The following NRTN variants were observed in gnomAD, a reference collection of about 807,000 sequenced individuals.
NRTN encodes prepro-neurturin.
NRTN carries 3 observed loss-of-function variants against 7.5 expected under a neutral mutation model. The ratio of observed to expected loss-of-function variants is 0.40; its 90% CI spans 0.18 to 1.03. The LOEUF (loss-of-function observed/expected upper bound fraction) is 1.03, where lower values mean the gene tolerates loss of function less well. Among genes scored for constraint, NRTN ranks in the 50% least tolerant of loss-of-function variants. The pLI is 0.34. For missense variants in NRTN, 310 were observed against 307.0 expected (o/e 1.01, Z -0.07); for synonymous variants, 157 against 146.6 (o/e 1.07, Z -0.51).
At chr19:5,810,209 G>T (rs983278587) in intron 1 of NRTN, among the ~76,000 whole-genome samples, 1 of 150,266 alleles carries the variant, frequency 6.7e-6, no homozygotes, top group Non-Finnish European at 1.5e-5. Context: ...AGAGCTTGTA[G>T]TGAGCCGAGA....
At position 5,828,217 on chromosome 19, in the gene NRTN, G is replaced by C. The variant is rs1461070885; in HGVS notation, c.*44G>C. The C allele has an allele frequency of 6.6e-7, 1 of 1,525,058 alleles. No homozygotes were observed. Among genetic ancestry groups the C allele is most frequent in the Admixed American group, 2.0e-5 (1 of 50,212 alleles). 94.5% of individuals were successfully genotyped at this position (1,525,058 alleles called of 1,614,324 possible). ...GCGCGGCGGCCACTCCCCCCGCCTC[G>C]ACGGCACCACTGGCCGGCCCCGCGA... On this transcript the variant is annotated 3_prime_UTR_variant, in exon 3 of 3. Transcript: ENST00000303212.
rs1029199398 is a variant in NRTN at position 5,824,105 on chromosome 19, G to C, written c.-61G>C. On this transcript the variant is annotated 5_prime_UTR_variant, in exon 2 of 3. Transcript: ENST00000303212. ...AGTCCTGGCCCAGCGCCCTGTGCCC[G>C]TTGGCTGCTGGAGGGACAGACGGGG... The C allele has an allele frequency of 1.9e-6, 3 of 1,594,730 alleles. No homozygotes were observed. The highest frequency in any genetic ancestry group is 2.6e-6 in the Non-Finnish European group (3 of 1,176,340).
rs368182915 is a variant in NRTN at position 5,824,372 on chromosome 19, C to T, written c.169+38C>T. On this transcript the variant is annotated intron_variant, in intron 2 of 2. Transcript: ENST00000303212. ...TCTGTGTGGGGTCAGATACCCCCAA[C>T]GTAAGGGGTAGAATTTCAGGCAGTG... 3.6e-5 allele frequency: 57 copies of T among 1,567,854 alleles called. 1 individual carries two copies. Among genetic ancestry groups the T allele is most frequent in the South Asian group, 1.9e-4 (16 of 86,402 alleles).
intron 1 of NRTN, among the ~76,000 whole-genome samples, chr19:5,813,871 G>A (rs895213520): frequency 2.6e-5 from 4 of 152,080 alleles, no homozygotes; most frequent in African/African-American, 9.7e-5. Flanking sequence ...AGCCAGGCAT[G>A]GTGACAGGCA....
Position 5,828,298 on chromosome 19 carries a change from G to A in NRTN, c.*125G>A, listed in dbSNP as rs1568401611. 6 of 1,099,816 alleles carry A rather than the reference G, an allele frequency of 5.5e-6. No homozygotes were observed. The highest frequency in any genetic ancestry group is 7.5e-6 in the Non-Finnish European group (6 of 802,072). 68.1% of individuals were successfully genotyped at this position (1,099,816 alleles called of 1,614,324 possible). On this transcript the variant is annotated 3_prime_UTR_variant, in exon 3 of 3. Coordinates refer to ENST00000303212, the MANE Select transcript of NRTN (RefSeq NM_004558.5). Reference sequence around the variant, plus strand: ...CGGCCCCGGGACTCTCGCGATAACTGTACTGAGATAAAGTGTGGCAACTCG... The same window carrying A: ...CGGCCCCGGGACTCTCGCGATAACTATACTGAGATAAAGTGTGGCAACTCG...
chr19:5,827,526 G>A (rs1390682390), intron 2 of NRTN, among the ~76,000 whole-genome samples: 1 of 152,016 alleles, frequency 6.6e-6, no homozygotes, highest in African/African-American at 2.4e-5. Flanking sequence ...GACCAGCGTA[G>A]GGGTGTGAGT....
chr19:5,822,883 G>A (rs1043581106), intron 1 of NRTN, among the ~76,000 whole-genome samples: 4 of 152,092 alleles, frequency 2.6e-5, no homozygotes, highest in Non-Finnish European at 4.4e-5. Context: ...AGCCAGGCAC[G>A]GTGGCTCATG....
chr19:5,805,268 G>T lies in NRTN; in HGVS notation c.-582G>T, dbSNP rs1415767905. Among the ~76,000 whole-genome samples the T allele has an allele frequency of 4.7e-5, 4 of 85,006 alleles. No homozygotes were observed. Among genetic ancestry groups the T allele is most frequent in the Non-Finnish European group, 7.1e-5 (3 of 42,476 alleles). The allele number at this position is 85,006 out of a possible 152,430, so 55.8% of individuals were successfully genotyped here. A position where few individuals can be genotyped will look rare whatever the true frequency, so the allele number is the denominator to read the frequency against. On this transcript the variant is annotated 5_prime_UTR_variant, in exon 1 of 3. Transcript: ENST00000303212. The stretch of plus-strand genomic sequence containing the variant: ...CGGCCCGGGATGGCCGCAGCCCGCG[G>T]CTAAGCGAGCCCGGGGGGCCCCATG...
chr19:5,826,130 G>A (rs1369619749), intron 2 of NRTN, among the ~76,000 whole-genome samples: 17 of 139,778 alleles, frequency 1.2e-4, no homozygotes, highest in East Asian at 5.4e-4. Flanking sequence ...GCGAGACTCC[G>A]TCTCAAAAAA....
intron 2 of NRTN, among the ~76,000 whole-genome samples, 166 bp downstream of exon 2, chr19:5,824,500 C>A (rs2057038492): frequency 6.6e-6 from 1 of 152,202 alleles, no homozygotes; most frequent in African/African-American, 2.4e-5. Flanking sequence ...TTATTCAGGG[C>A]AAGGCATGGT....
chr19:5,818,527 G>C (rs958445720), intron 1 of NRTN, among the ~76,000 whole-genome samples: 3 of 152,014 alleles, frequency 2.0e-5, no homozygotes, highest in Non-Finnish European at 4.4e-5. Context: ...GCAGCTGTGG[G>C]TGCTGGCAGC....
chr19:5,820,485 G>T (rs2057020200), intron 1 of NRTN, among the ~76,000 whole-genome samples: 1 of 149,854 alleles, frequency 6.7e-6, no homozygotes, highest in Non-Finnish European at 1.5e-5. Flanking sequence ...AGAATCGCTT[G>T]AACCCAGGAG....
chr19:5,810,128 A>G (rs906201380), intron 1 of NRTN, among the ~76,000 whole-genome samples: 24 of 151,536 alleles, frequency 1.6e-4, no homozygotes, highest in South Asian at 2.1e-4. Flanking sequence ...TTAGCTGGGC[A>G]TGGTGGCAGG....
chr19:5,814,242 C>CTCAG (rs1555734273), intron 1 of NRTN, among the ~76,000 whole-genome samples: 13 of 152,112 alleles, frequency 8.5e-5, no homozygotes, highest in African/African-American at 3.1e-4. Flanking sequence ...CAGTCATGGG[C>CTCAG]ACAGACACCA....
intron 2 of NRTN, 78 bp from the exon 3 acceptor site, chr19:5,827,671 G>C (rs896652632): frequency 3.3e-6 from 2 of 612,866 alleles, no homozygotes; most frequent in Non-Finnish European, 4.3e-6. Context: ...CGTTTGCAGG[G>C]GTACAGAGAG....
chr19:5,824,990 C>T lies in NRTN; in HGVS notation c.169+656C>T, dbSNP rs866268780. 3.9e-5 allele frequency among the ~76,000 whole-genome samples: 6 copies of T among 151,978 alleles called. 1 individual carries two copies. In the Middle Eastern group the frequency reaches 0.021, roughly 520 times the overall value. On this transcript the variant is annotated intron_variant, in intron 2 of 2. Transcript: ENST00000303212. ...GCATTCGCCTGGTTGGCCCCCGCGG[C>T]GCAGCAGGGGGGGCGGTGGGAGGAG...
At chr19:5,820,218 A>G (rs2057018913) in intron 1 of NRTN, among the ~76,000 whole-genome samples, 1 of 127,522 alleles carries the variant, frequency 7.8e-6, no homozygotes, top group South Asian at 2.5e-4. Flanking sequence ...GTGAGCCAAG[A>G]TTGTGCCACT....
At chr19:5,827,641 G>A in intron 2 of NRTN, 108 bp from the exon 3 acceptor site, 1 of 417,204 alleles carries the variant, frequency 2.4e-6, no homozygotes. Context: ...GTCTAGGCCT[G>A]GCGTCCCAGC....
intron 1 of NRTN, among the ~76,000 whole-genome samples, chr19:5,820,738 GAAAAAAAAAAA>G (rs869276836): frequency 2.8e-4 from 11 of 39,102 alleles, no homozygotes; most frequent in Non-Finnish European, 3.3e-4. Context: ...TCTGTCTCAA[GAAAAAAAAAAA>G]AAAAAAAAAA....
Sources: gnomAD v4.1 joint callset for allele counts (sites outside exome capture counted in the v4.1 genomes callset) on GRCh38, gnomAD v4.1.1 for gene constraint, MANE v1.5 for transcripts, NCBI Gene and HGNC (gene_info 2026-07-23, HGNC 2026-07-21) for gene names.